NRXN3: variants seen among roughly 807,000 people sequenced by gnomAD.
The protein encoded by NRXN3 is neurexin 3, also known as neurexin III.
A neutral mutation model predicts 137.6 loss-of-function variants in NRXN3; 32 were observed. The ratio of observed to expected loss-of-function variants is 0.23; its 90% confidence interval spans 0.18 to 0.31. NRXN3 has a LOEUF of 0.31. NRXN3 is among the 10% of genes least tolerant of loss of function. The probability of loss-of-function intolerance (pLI) is 1.00; values close to 1 mark genes in which losing one functional copy is unlikely to be tolerated. For missense variants in NRXN3, 1,574 were observed against 2,062.5 expected (o/e 0.76, Z 4.59); for synonymous variants, 798 against 784.5 (o/e 1.02, Z -0.29).
chr14:78,342,419 G>A (rs1339822435), intron 4 of NRXN3, among the ~76,000 whole-genome samples: 2 of 152,148 alleles, frequency 1.3e-5, no homozygotes, highest in African/African-American at 4.8e-5. Flanking sequence ...CAAGATTGCC[G>A]AGGGTGACAT....
At chr14:79,659,343 T>G (rs920023441) in intron 16 of NRXN3, among the ~76,000 whole-genome samples, 1 of 152,116 alleles carries the variant, frequency 6.6e-6, no homozygotes, top group Non-Finnish European at 1.5e-5. Context: ...GTTATTAAAA[T>G]TTATAGTCAT....
In NRXN3 at chr14:78,926,886, TTATA is replaced by T. The variant is rs369031895; in HGVS notation, c.2276-30345_2276-30342del. ...AATATATATATAATATATAATATAT[TTATA>T]TATATATATAATATATATAATATAT... On this transcript the variant is annotated intron_variant, in intron 10 of 20. Coordinates refer to ENST00000335750, the MANE Select transcript of NRXN3 (RefSeq NM_001330195.2). Among the ~76,000 whole-genome samples, 24 of 22,008 alleles carry T rather than the reference TTATA, an allele frequency of 1.1e-3. 1 individual carries two copies. The highest frequency in any genetic ancestry group is 1.9e-3 in the Admixed American group (2 of 1,080). 14.4% of individuals were successfully genotyped at this position (22,008 alleles called of 152,430 possible).
intron 15 of NRXN3, among the ~76,000 whole-genome samples, chr14:79,282,348 G>T (rs1451681863): frequency 6.6e-6 from 1 of 152,174 alleles, no homozygotes; most frequent in Admixed American, 6.5e-5. Context: ...TAAATGATCA[G>T]CAGGGAGAGG....
chr14:78,366,898 T>C (rs999552726), intron 4 of NRXN3, among the ~76,000 whole-genome samples: 2 of 152,182 alleles, frequency 1.3e-5, no homozygotes, highest in Admixed American at 1.3e-4. Context: ...CTGTCTTTAA[T>C]CTGCATAGGC....
At chr14:78,459,094 A>G (rs891253497) in intron 4 of NRXN3, among the ~76,000 whole-genome samples, 1 of 152,204 alleles carries the variant, frequency 6.6e-6, no homozygotes, top group Non-Finnish European at 1.5e-5. Context: ...CAGTGGGTAG[A>G]TGTGGACTTA....
rs149284155 is a variant in NRXN3 at position 79,722,991 on chromosome 14, G to A, written c.4014+25054G>A. Among the ~76,000 whole-genome samples the A allele has an allele frequency of 4.8e-3, 736 of 152,176 alleles. 3 individuals carry two copies. Among genetic ancestry groups the A allele is most frequent in the African/African-American group, 0.017 (687 of 41,544 alleles). ...CGTTGTCCCGAATAAGCATAGTCTTGAGTGGGCTTTAGTCAGAGTTATTTG... is the reference window on the plus strand; with the variant it reads ...CGTTGTCCCGAATAAGCATAGTCTTAAGTGGGCTTTAGTCAGAGTTATTTG... On this transcript the variant is annotated intron_variant, in intron 19 of 20. Coordinates refer to ENST00000335750, the MANE Select transcript of NRXN3 (RefSeq NM_001330195.2).
At chr14:78,710,212 T>C (rs531135383) in intron 7 of NRXN3, among the ~76,000 whole-genome samples, 5 of 152,342 alleles carry the variant, frequency 3.3e-5, no homozygotes, top group African/African-American at 1.2e-4. Flanking sequence ...CTTCCTTTGG[T>C]GTAAAAGCCT....
chr14:79,130,768 G>A (rs2057346860), intron 15 of NRXN3, among the ~76,000 whole-genome samples: 1 of 152,182 alleles, frequency 6.6e-6, no homozygotes, highest in African/African-American at 2.4e-5. Flanking sequence ...ATATCCTGCA[G>A]AGTGTTTTCC....
At chr14:79,234,050 A>T (rs2153292131) in intron 15 of NRXN3, among the ~76,000 whole-genome samples, 1 of 151,388 alleles carries the variant, frequency 6.6e-6, no homozygotes, top group Middle Eastern at 3.4e-3. Context: ...CACCTCTGGG[A>T]GTGAATAGGG....
At position 78,803,486 on chromosome 14, in the gene NRXN3, C is replaced by G. The variant is rs74398843; in HGVS notation, c.2045-134C>G. The G allele has an allele frequency of 4.0e-3, 3,072 of 768,196 alleles. 55 individuals carry two copies. In the African/African-American group the frequency reaches 0.045, roughly 11 times the overall value. 47.6% of individuals were successfully genotyped at this position (768,196 alleles called of 1,614,324 possible). On this transcript the variant is annotated intron_variant, in intron 8 of 20. Transcript: ENST00000335750. ...CACACAGATTAAAAGGTGGTAACAA[C>G]AAGGGTTCATCAAACACAAGTCACT...
rs1015885302 is a variant in NRXN3, at chr14:79,385,210, C to T, written c.3263-82011C>T. On this transcript the variant is annotated intron_variant, in intron 15 of 20. Transcript: ENST00000335750. ...TATCTCCCAATGCTATCCTTCCCCC[C>T]GCCCCCACCCCACCACAGTCCCCAG... Among the ~76,000 whole-genome samples the T allele has an allele frequency of 1.1e-4, 12 of 112,426 alleles. 1 individual carries two copies. Among genetic ancestry groups the T allele is most frequent in the African/African-American group, 3.0e-4 (10 of 32,834 alleles). The allele number at this position is 112,426 out of a possible 152,430, so 73.8% of individuals were successfully genotyped here.
chr14:79,668,027 T>C (rs221436), intron 17 of NRXN3, among the ~76,000 whole-genome samples: 59,584 of 151,812 alleles, frequency 0.39, 16,132 homozygotes, highest in African/African-American at 0.77. Context: ...TCAATCTTTG[T>C]ATGTCAGGGG....
At chr14:79,235,604 C>T (rs1056146947) in intron 15 of NRXN3, among the ~76,000 whole-genome samples, 4 of 152,110 alleles carry the variant, frequency 2.6e-5, no homozygotes, top group African/African-American at 9.7e-5. Flanking sequence ...CATTCTCTCT[C>T]TACAGTTAGG....
chr14:79,015,962 T>C (rs2152419535), intron 15 of NRXN3, among the ~76,000 whole-genome samples: 1 of 152,304 alleles, frequency 6.6e-6, no homozygotes, highest in Non-Finnish European at 1.5e-5. Context: ...AAGGGCACTC[T>C]AAAGTGCCTT....
At position 79,280,126 on chromosome 14, in the gene NRXN3, A is replaced by AT. The variant is rs2081026454; in HGVS notation, c.3263-187089dup. 1.3e-5 allele frequency: 18 copies of AT among 1,437,656 alleles called. No individual in the cohort carries two copies. The South Asian group carries it at 2.2e-4, about 18-fold the overall frequency. The allele number at this position is 1,437,656 out of a possible 1,614,324, so 89.1% of individuals were successfully genotyped here. On this transcript the variant is annotated intron_variant, in intron 15 of 20. Coordinates refer to ENST00000335750, the MANE Select transcript of NRXN3 (RefSeq NM_001330195.2). ...TTTTTTTTTCTTTCTTTAAGTAGTA[A>AT]TTTTTTAACTGATTCATTGTTTGGA...
chr14:78,661,768 C>T (rs1242464726), intron 6 of NRXN3, among the ~76,000 whole-genome samples: 6 of 152,118 alleles, frequency 3.9e-5, no homozygotes, highest in African/African-American at 1.4e-4. Context: ...CCTTCTGTTA[C>T]TTATTAAATG....
chr14:79,485,948 C>T (rs2096652183), intron 16 of NRXN3, among the ~76,000 whole-genome samples: 1 of 152,014 alleles, frequency 6.6e-6, no homozygotes, highest in African/African-American at 2.4e-5. Context: ...TTTACAAATC[C>T]AGGCTTCAAA....
chr14:78,636,123 T>C (rs753675741), intron 4 of NRXN3, among the ~76,000 whole-genome samples: 2 of 152,212 alleles, frequency 1.3e-5, no homozygotes, highest in African/African-American at 2.4e-5. Flanking sequence ...ATTTCTGAAC[T>C]GATTGTGTAA....
intron 15 of NRXN3, among the ~76,000 whole-genome samples, chr14:79,122,487 A>G (rs2055623376): frequency 6.6e-6 from 1 of 152,228 alleles, no homozygotes; most frequent in African/African-American, 2.4e-5. Context: ...TCATTTCCAG[A>G]TACTACATGG....
Sources: allele counts gnomAD v4.1 joint callset (sites outside exome capture counted in the v4.1 genomes callset), GRCh38; gene constraint gnomAD v4.1.1; transcripts MANE v1.5; gene names NCBI Gene and HGNC (gene_info 2026-07-23, HGNC 2026-07-21).